Variants in SENP7 observed in about 807,000 individuals in gnomAD.
SENP7 encodes the protein sentrin-specific protease 7.
Under a neutral mutation model 141.2 loss-of-function variants are expected in SENP7, and 64 were observed. The observed-to-expected ratio is 0.45, with a 90% CI of 0.37 to 0.56. The LOEUF (loss-of-function observed/expected upper bound fraction) is 0.56. Among genes scored for constraint, SENP7 ranks in the 20% least tolerant of loss-of-function variants. SENP7 has a pLI of 0.00. For synonymous variants in SENP7, 382 were observed against 426.4 expected (o/e 0.90, Z 1.28); for missense variants, 1,025 against 1,212.2 (o/e 0.85, Z 2.29).
At chr3:101,449,909 T>G (rs532654869) in intron 4 of SENP7, among the ~76,000 whole-genome samples, 42 of 151,332 alleles carry the variant, frequency 2.8e-4, no homozygotes, top group Non-Finnish European at 5.2e-4. Flanking sequence ...CCAATTAAAA[T>G]ACACTGGCAA....
At chr3:101,371,172 T>C (rs1461985810) in intron 7 of SENP7, among the ~76,000 whole-genome samples, 1 of 151,884 alleles carries the variant, frequency 6.6e-6, no homozygotes, top group African/African-American at 2.4e-5. Context: ...GACTATAGTC[T>C]CAACTACTCG....
intron 5 of SENP7, among the ~76,000 whole-genome samples, chr3:101,401,013 A>C (rs2873547): frequency 0.4 from 60,058 of 151,216 alleles, 12,425 homozygotes; most frequent in Admixed American, 0.54. Context: ...GAGGAGCATC[A>C]CTTGACCCCA....
intron 20 of SENP7, among the ~76,000 whole-genome samples, chr3:101,329,775 T>TAAAAAAAAAA (rs762298259): frequency 1.3e-4 from 13 of 100,454 alleles, no homozygotes; most frequent in East Asian, 2.8e-4. Context: ...CCATCTCTAC[T>TAAAAAAAAAA]AAAAAAAAAA....
At chr3:101,436,128 C>T (rs2062378561) in intron 4 of SENP7, among the ~76,000 whole-genome samples, 1 of 152,124 alleles carries the variant, frequency 6.6e-6, no homozygotes, top group African/African-American at 2.4e-5. Flanking sequence ...CATACACCTA[C>T]AGTGAACTCA....
intron 6 of SENP7, among the ~76,000 whole-genome samples, chr3:101,391,402 G>A (rs1244853614): frequency 3.3e-5 from 5 of 149,322 alleles, no homozygotes; most frequent in Admixed American, 1.3e-4. Flanking sequence ...ACAAAAAAAG[G>A]AGGCATTAAA....
chr3:101,428,683 C>G (rs1349407957), intron 4 of SENP7, among the ~76,000 whole-genome samples: 1 of 152,282 alleles, frequency 6.6e-6, no homozygotes, highest in Non-Finnish European at 1.5e-5. Flanking sequence ...TTTTGCTGTG[C>G]AGAAGCTCTT....
chr3:101,424,957 A>G lies in SENP7; in HGVS notation c.285-7167T>C, dbSNP rs546423079. Among the ~76,000 whole-genome samples, 10 of 152,278 alleles carry G rather than the reference A, an allele frequency of 6.6e-5. No homozygotes were observed. In the East Asian group the frequency reaches 1.9e-3, roughly 29 times the overall value. ...CTCATGGAAGTGAATACGCCTCATG[A>G]GATCTAATGGTTTTATAAAGGGAAA... On this transcript the variant is annotated intron_variant, in intron 4 of 23. Transcript: ENST00000394095.
intron 11 of SENP7, among the ~76,000 whole-genome samples, chr3:101,354,773 T>G (rs940869655): frequency 2.6e-5 from 4 of 152,280 alleles, no homozygotes; most frequent in Admixed American, 2.6e-4. Flanking sequence ...ATTGCTGGGT[T>G]GAATGGTAAT....
chr3:101,504,261 G>A (rs1181067644), intron 1 of SENP7, among the ~76,000 whole-genome samples: 1 of 151,256 alleles, frequency 6.6e-6, no homozygotes, highest in East Asian at 2.0e-4. Context: ...AGACCAGCCT[G>A]GTCAACATGG....
At chr3:101,477,523 G>A (rs957624574) in intron 3 of SENP7, among the ~76,000 whole-genome samples, 1 of 151,928 alleles carries the variant, frequency 6.6e-6, no homozygotes, top group Non-Finnish European at 1.5e-5. Flanking sequence ...TAATGCACCT[G>A]AAAAAAATAG....
At chr3:101,340,978 A>G (rs1019860238) in intron 15 of SENP7, among the ~76,000 whole-genome samples, 6 of 152,208 alleles carry the variant, frequency 3.9e-5, no homozygotes, top group African/African-American at 1.4e-4. Flanking sequence ...TTGCGCCAGA[A>G]AGGTTCAGTA....
chr3:101,506,775 G>A (rs2065632256), intron 1 of SENP7, among the ~76,000 whole-genome samples: 1 of 152,238 alleles, frequency 6.6e-6, no homozygotes, highest in Non-Finnish European at 1.5e-5. Context: ...GGCTTGGGCT[G>A]AGCATGGTGG....
intron 4 of SENP7, among the ~76,000 whole-genome samples, chr3:101,438,823 C>G (rs184576954): frequency 1.3e-5 from 2 of 152,090 alleles, no homozygotes; most frequent in African/African-American, 4.8e-5. Flanking sequence ...TCTTTGCCGC[C>G]GCGCCGGCGA....
intron 12 of SENP7, among the ~76,000 whole-genome samples, chr3:101,351,389 G>A (rs1285773741): frequency 6.6e-6 from 1 of 151,738 alleles, no homozygotes; most frequent in Non-Finnish European, 1.5e-5. Context: ...TATCAGAACT[G>A]TGTTTCTGTT....
chr3:101,486,225 G>T (rs1395707086), intron 3 of SENP7, among the ~76,000 whole-genome samples: 1 of 152,006 alleles, frequency 6.6e-6, no homozygotes, highest in Non-Finnish European at 1.5e-5. Context: ...CCTTGCTAGA[G>T]ACCTAGACAT....
At chr3:101,396,239 G>C (rs547095655) in intron 6 of SENP7, among the ~76,000 whole-genome samples, 5 of 152,158 alleles carry the variant, frequency 3.3e-5, no homozygotes, top group Non-Finnish European at 7.4e-5. Context: ...CCACTGAATA[G>C]TTTTGGGGAA....
chr3:101,326,099 G>T lies in SENP7; in HGVS notation c.3016-19C>A. 6.4e-7 allele frequency: 1 copy of T among 1,553,190 alleles called. No individual in the cohort carries two copies. Among genetic ancestry groups the T allele is most frequent in the East Asian group, 2.4e-5 (1 of 42,136 alleles). ...TAGGATCCTAATGAGAGGAAAAAAAGAGTGTAATCACTTTAGCAGCATAAT... is the reference window on the plus strand; with the variant it reads ...TAGGATCCTAATGAGAGGAAAAAAATAGTGTAATCACTTTAGCAGCATAAT... On this transcript the variant is annotated intron_variant, in intron 23 of 23. Coordinates refer to ENST00000394095, the MANE Select transcript of SENP7 (RefSeq NM_020654.5).
chr3:101,327,253 C>G (rs2058926707), intron 23 of SENP7, among the ~76,000 whole-genome samples: 1 of 151,998 alleles, frequency 6.6e-6, no homozygotes, highest in South Asian at 2.1e-4. Context: ...TGCCCCGACC[C>G]AAATCTCATC....
chr3:101,493,884 G>T lies in SENP7; in HGVS notation c.175C>A (p.Leu59Ile). Residue 59 changes from leucine to isoleucine, a missense_variant, in exon 3 of 24, where the codon CTC (leucine) becomes ATC (isoleucine). Leu to Ile is a conservative substitution (Grantham distance 5). This residue lies in a region of SENP7 where 496 missense variants were observed against 503.5 expected (regional missense o/e 0.99). Transcript: ENST00000394095. ...SKFRSSERWT[L>I]PLQWERSLRN... Reference sequence around the variant, plus strand: ...ATTTTATTTACCACCTGCAAAGGGAGAGTCCAGCGTTCTGAGCTTCTGAAT... The same window carrying T: ...ATTTTATTTACCACCTGCAAAGGGATAGTCCAGCGTTCTGAGCTTCTGAAT... The T allele has an allele frequency of 6.3e-7, 1 of 1,587,636 alleles. No homozygotes were observed. The highest frequency in any genetic ancestry group is 8.6e-7 in the Non-Finnish European group (1 of 1,160,386).
Sources: gnomAD v4.1 joint callset for allele counts (sites outside exome capture counted in the v4.1 genomes callset) on GRCh38, gnomAD v4.1.1 for gene constraint, gnomAD v4.1.1 regional missense constraint, MANE v1.5 for transcripts, NCBI Gene and HGNC (gene_info 2026-07-23, HGNC 2026-07-21) for gene names.